Variants in NXN observed in about 807,000 individuals in gnomAD.
The protein encoded by NXN is nucleoredoxin 1.
NXN carries 16 observed loss-of-function variants against 48.6 expected under a neutral mutation model. The ratio of observed to expected loss-of-function variants is 0.33; its 90% CI spans 0.22 to 0.50. The LOEUF (loss-of-function observed/expected upper bound fraction) is 0.50, where lower values mean the gene tolerates loss of function less well. Ranked by LOEUF, NXN falls within the 20% of genes least tolerant of loss-of-function variation. NXN has a pLI of 0.98. For synonymous variants in NXN, 281 were observed against 269.6 expected, an observed-to-expected ratio of 1.04 and a Z score of -0.41; for missense variants, 492 against 605.5, an observed-to-expected ratio of 0.81 and a Z score of 1.97.
In NXN at chr17:834,467, T is replaced by C. The variant is rs144929949; in HGVS notation, c.361-8389A>G. 5.2e-3 allele frequency among the ~76,000 whole-genome samples: 790 copies of C among 151,878 alleles called. 5 individuals carry two copies. Among genetic ancestry groups the C allele is most frequent in the African/African-American group, 0.017 (723 of 41,428 alleles). On this transcript the variant is annotated intron_variant, in intron 1 of 7. Coordinates refer to ENST00000336868, the MANE Select transcript of NXN (RefSeq NM_022463.5). ...TCTTGCTCTGTTGCCCAGGCTGGAG[T>C]GCAATGGTGCGATCTCAGCTCACTG...
chr17:841,035 C>T (rs112334458), intron 1 of NXN, among the ~76,000 whole-genome samples: 10 of 152,294 alleles, frequency 6.6e-5, no homozygotes, highest in East Asian at 1.9e-4. Context: ...GTTCGAATCC[C>T]GGCTCTGCCA....
At position 825,414 on chromosome 17, in the gene NXN, G is replaced by T. The variant is rs1403068640; in HGVS notation, c.478+547C>A. On this transcript the variant is annotated intron_variant, in intron 2 of 7. Transcript: ENST00000336868. This position sits in a 1 kb window ranked among gnomAD's most constrained non-coding sequence, Gnocchi z 4.1. ...GTTCTCACTCACTGCCAGAGGGAAA[G>T]ACGCCACGCGGACGGCCCTGAGCGG... 6.6e-6 allele frequency among the ~76,000 whole-genome samples: 1 copy of T among 152,138 alleles called. No individual in the cohort carries two copies. Among genetic ancestry groups the T allele is most frequent in the East Asian group, 1.9e-4 (1 of 5,184 alleles).
chr17:807,944 C>A (rs1032711117), intron 5 of NXN, among the ~76,000 whole-genome samples: 1 of 152,192 alleles, frequency 6.6e-6, no homozygotes, highest in Admixed American at 6.6e-5. Context: ...CGGGCAGCAT[C>A]AGGATCCCCC....
intron 1 of NXN, among the ~76,000 whole-genome samples, chr17:876,790 T>A (rs2068220738): frequency 6.6e-6 from 1 of 152,006 alleles, no homozygotes; most frequent in Non-Finnish European, 1.5e-5. Flanking sequence ...ACGCCTGGAA[T>A]CCCAGCACTT....
At chr17:974,718 T>C (rs1269989019) in intron 1 of NXN, among the ~76,000 whole-genome samples, 6 of 151,972 alleles carry the variant, frequency 3.9e-5, no homozygotes, top group Non-Finnish European at 8.8e-5. Context: ...TAGACTGCCT[T>C]ATTATGCAGA....
At chr17:841,484 C>A (rs74214316) in intron 1 of NXN, among the ~76,000 whole-genome samples, 2,390 of 23,786 alleles carry the variant, frequency 0.1, 25 homozygotes, top group African/African-American at 0.16. Flanking sequence ...GAGCAGGTCC[C>A]CCCTGACCAC....
At position 801,027 on chromosome 17, in the gene NXN, C is replaced by T. The variant is rs570513548; in HGVS notation, c.1230G>A (p.Val410=). The change falls in exon 8 of 8, where the codon GTG becomes GTA. Residue 410 remains valine (V), a synonymous_variant. Coordinates refer to ENST00000336868, the MANE Select transcript of NXN (RefSeq NM_022463.5). The part of the protein sequence containing the change: ...MSARAKYVMD[V]EEITPAIVEA... ...CCACGATGGCGGGGGTGATCTCCTCCACGTCCATCACGTACTTGGCCCGGG... is the reference window on the plus strand; with the variant it reads ...CCACGATGGCGGGGGTGATCTCCTCTACGTCCATCACGTACTTGGCCCGGG... The T allele has an allele frequency of 1.3e-5, 20 of 1,572,916 alleles. No individual in the cohort carries two copies. In the South Asian group the frequency reaches 1.9e-4, roughly 15 times the overall value.
chr17:916,376 T>C (rs958909593), intron 1 of NXN, among the ~76,000 whole-genome samples: 9 of 152,208 alleles, frequency 5.9e-5, no homozygotes, highest in African/African-American at 1.9e-4. Flanking sequence ...CAAGGGGCCT[T>C]TTGGAAATGA....
intron 1 of NXN, among the ~76,000 whole-genome samples, chr17:871,941 A>T (rs1029325415): frequency 2.0e-5 from 3 of 152,118 alleles, no homozygotes; most frequent in Non-Finnish European, 4.4e-5. Flanking sequence ...GAATTATCAA[A>T]ATTTGGACAA....
At chr17:865,485 G>A (rs922252379) in intron 1 of NXN, among the ~76,000 whole-genome samples, 5 of 149,048 alleles carry the variant, frequency 3.4e-5, no homozygotes, top group Non-Finnish European at 6.0e-5. Flanking sequence ...CAGGTGATCC[G>A]CCCACCTCGG....
rs59822805 is a variant in NXN, at chr17:909,098, C to CAAAAAAAA, written c.360+70213_360+70220dup. Among the ~76,000 whole-genome samples, 124 of 117,346 alleles carry CAAAAAAAA rather than the reference C, an allele frequency of 1.1e-3. 6 individuals carry two copies. The highest frequency in any genetic ancestry group is 3.1e-3 in the African/African-American group (90 of 29,262). The allele number at this position is 117,346 out of a possible 152,430, so 77.0% of individuals were successfully genotyped here. ...TGGGCGACAGAGTGAGACTTCGTCT[C>CAAAAAAAA]AAAAAAAAAAAAAAAAAAAAAAAAA... On this transcript the variant is annotated intron_variant, in intron 1 of 7. Transcript: ENST00000336868.
chr17:828,504 C>T (rs1018919280), intron 1 of NXN, among the ~76,000 whole-genome samples: 1 of 150,202 alleles, frequency 6.7e-6, no homozygotes, highest in Non-Finnish European at 1.5e-5. Context: ...AGGGTTCAAG[C>T]GATTCTCTTG....
intron 1 of NXN, among the ~76,000 whole-genome samples, chr17:863,660 T>C (rs543207324): frequency 1.3e-5 from 2 of 152,236 alleles, no homozygotes; most frequent in African/African-American, 4.8e-5. Flanking sequence ...TGGGGGTCTC[T>C]CTATGTTGCC....
intron 1 of NXN, among the ~76,000 whole-genome samples, chr17:975,470 G>A (rs563507564): frequency 4.6e-5 from 7 of 152,156 alleles, no homozygotes; most frequent in South Asian, 2.1e-4. Context: ...GCTTCTCATT[G>A]AGTCTGAACT....
At chr17:851,482 G>C (rs1233429530) in intron 1 of NXN, among the ~76,000 whole-genome samples, 1 of 152,226 alleles carries the variant, frequency 6.6e-6, no homozygotes, top group Non-Finnish European at 1.5e-5. Flanking sequence ...GAAAGAGCAG[G>C]GTGGCAAAGT....
chr17:835,119 T>A (rs551290142), intron 1 of NXN, among the ~76,000 whole-genome samples: 3 of 150,806 alleles, frequency 2.0e-5, no homozygotes, highest in South Asian at 2.1e-4. Context: ...CCATCCTGGC[T>A]AACATGGTGA....
chr17:979,234 A>AGGGCAGGGGTAACGGACGTGGGGGGC (rs2069504100), intron 1 of NXN, 85 bp downstream of exon 1: 2 of 457,430 alleles, frequency 4.4e-6, no homozygotes, highest in Non-Finnish European at 5.2e-6. Context: ...GGGTTGGCGG[A>AGGGCAGGGGTAACGGACGTGGGGGGC]GGGCAGGGGT....
intron 1 of NXN, among the ~76,000 whole-genome samples, chr17:833,210 A>T (rs1913595350): frequency 3.3e-5 from 5 of 152,112 alleles, no homozygotes; most frequent in Admixed American, 3.3e-4. Context: ...TTTCTTTTAC[A>T]GACAAAGCCA....
intron 1 of NXN, among the ~76,000 whole-genome samples, chr17:979,075 G>A (rs2069498951): frequency 7.4e-6 from 1 of 135,526 alleles, no homozygotes; most frequent in South Asian, 2.4e-4. Context: ...ACCAAAGAGG[G>A]GTCCTGGGAT....
Sources: allele counts gnomAD v4.1 joint callset (sites outside exome capture counted in the v4.1 genomes callset), GRCh38; gene constraint gnomAD v4.1.1; non-coding constraint Gnocchi (gnomAD v3.1); transcripts MANE v1.5; gene names NCBI Gene and HGNC (gene_info 2026-07-23, HGNC 2026-07-21).